Variants in RHOBTB1 observed in about 807,000 individuals in gnomAD.
RHOBTB1 encodes rho-related BTB domain-containing protein 1.
RHOBTB1 carries 40 observed loss-of-function variants against 71.6 expected under a neutral mutation model. The observed-to-expected ratio is 0.56, with a 90% CI of 0.43 to 0.73. The LOEUF is 0.73. RHOBTB1 is among the 30% of genes least tolerant of loss of function. The pLI is 0.00. For synonymous variants in RHOBTB1, 319 were observed against 334.9 expected (o/e 0.95, Z 0.52); for missense variants, 797 against 894.0 (o/e 0.89, Z 1.38).
intron 9 of RHOBTB1, among the ~76,000 whole-genome samples, chr10:60,873,357 A>G (rs2080891672): frequency 6.6e-6 from 1 of 152,188 alleles, no homozygotes; most frequent in Non-Finnish European, 1.5e-5. Flanking sequence ...GGCAAACGCA[A>G]CAGATTGGGG....
intron 2 of RHOBTB1, among the ~76,000 whole-genome samples, chr10:60,934,570 T>C (rs1288911266): frequency 6.6e-6 from 1 of 152,046 alleles, no homozygotes; most frequent in Non-Finnish European, 1.5e-5. Context: ...ATAAATAGAG[T>C]TTAAAGAATA....
At chr10:60,945,577 G>C (rs2085190238), upstream of RHOBTB1, among the ~76,000 whole-genome samples, 1 of 152,132 alleles carries the variant, frequency 6.6e-6, no homozygotes, top group South Asian at 2.1e-4. Flanking sequence ...AAGATTCCCA[G>C]GTGACTTCCA....
intron 1 of RHOBTB1, among the ~76,000 whole-genome samples, chr10:60,999,556 AG>A (rs2087184108): frequency 6.6e-6 from 1 of 152,258 alleles, no homozygotes. Flanking sequence ...TTAAAATGAT[AG>A]CTGGTGTTAA....
At chr10:60,962,313 GA>G (rs2085810514) in intron 2 of RHOBTB1, among the ~76,000 whole-genome samples, 1 of 152,070 alleles carries the variant, frequency 6.6e-6, no homozygotes, top group Non-Finnish European at 1.5e-5. Context: ...AACAGAAAAA[GA>G]GATACTTACC....
At chr10:60,991,773 G>C (rs1173190517) in intron 1 of RHOBTB1, among the ~76,000 whole-genome samples, 1 of 152,074 alleles carries the variant, frequency 6.6e-6, no homozygotes, top group Non-Finnish European at 1.5e-5. Flanking sequence ...TCCTTCTAGA[G>C]GACTTCCCCA....
chr10:60,938,277 T>A (rs2084706255), intron 2 of RHOBTB1, among the ~76,000 whole-genome samples: 1 of 152,234 alleles, frequency 6.6e-6, no homozygotes, highest in Admixed American at 6.5e-5. Context: ...TACTTGCTAG[T>A]TGTATTTCAG....
chr10:60,952,683 C>A (rs1178088546), intron 2 of RHOBTB1, among the ~76,000 whole-genome samples: 1 of 152,212 alleles, frequency 6.6e-6, no homozygotes, highest in Non-Finnish European at 1.5e-5. Flanking sequence ...GATTACAATG[C>A]ATGACATCAT....
At chr10:60,956,893 T>A (rs2134461487) in intron 2 of RHOBTB1, among the ~76,000 whole-genome samples, 1 of 152,298 alleles carries the variant, frequency 6.6e-6, no homozygotes, top group South Asian at 2.1e-4. Flanking sequence ...CTCAGAAGGG[T>A]CCAGAGTTTG....
At chr10:60,896,180 T>G (rs528910676) in intron 4 of RHOBTB1, among the ~76,000 whole-genome samples, 151 of 152,368 alleles carry the variant, frequency 9.9e-4, no homozygotes, top group African/African-American at 3.4e-3. Flanking sequence ...TTCATTCCCA[T>G]GTGGAGACTG....
chr10:60,987,207 T>C (rs1020148632), intron 1 of RHOBTB1, among the ~76,000 whole-genome samples: 4 of 152,192 alleles, frequency 2.6e-5, no homozygotes, highest in African/African-American at 9.6e-5. Context: ...GAAACCTCAA[T>C]TCCCATCTCA....
chr10:60,920,205 AG>A (rs1280362887), intron 2 of RHOBTB1, among the ~76,000 whole-genome samples: 2 of 152,216 alleles, frequency 1.3e-5, no homozygotes, highest in Non-Finnish European at 2.9e-5. Context: ...AATGAGTGCC[AG>A]GCCTATAGGT....
chr10:60,969,720 T>C (rs1401906560), intron 2 of RHOBTB1, among the ~76,000 whole-genome samples: 1 of 152,142 alleles, frequency 6.6e-6, no homozygotes, highest in Non-Finnish European at 1.5e-5. Flanking sequence ...TCTATGACCT[T>C]TGAAGTCACC....
rs996869901 is a variant in RHOBTB1, at chr10:60,931,683, T to C, written c.-11+10121A>G. 4.6e-5 allele frequency among the ~76,000 whole-genome samples: 7 copies of C among 152,214 alleles called. No homozygotes were observed. In the South Asian group the frequency reaches 1.5e-3, roughly 32 times the overall value. ...ATAATACATGATTTTTGATAACACA[T>C]AAATTGTTTTTTCAAAACTATATGT... On this transcript the variant is annotated intron_variant, in intron 2 of 10. Transcript: ENST00000337910.
Position 60,872,296 on chromosome 10 carries a change from GA to G in RHOBTB1, c.1816-7del. On this transcript the variant is annotated splice_region_variant and splice_polypyrimidine_tract_variant and intron_variant, in intron 9 of 10. Transcript: ENST00000337910. ...AACTGGTGGGCATTGTGAAACTGCA[GA>G]AAAGTGAGCAAAAGGAGGGTAAGAC... 2 of 1,608,544 alleles carry G rather than the reference GA, an allele frequency of 1.2e-6. No individual in the cohort carries two copies. The highest frequency in any genetic ancestry group is 1.1e-5 in the South Asian group (1 of 90,962).
chr10:60,910,123 A>G (rs1430914591), intron 4 of RHOBTB1, among the ~76,000 whole-genome samples: 2 of 152,176 alleles, frequency 1.3e-5, no homozygotes, highest in African/African-American at 4.8e-5. Context: ...TGAAAATGAA[A>G]TGTGTTCATT....
intron 1 of RHOBTB1, among the ~76,000 whole-genome samples, chr10:60,943,468 A>G (rs1014801259): frequency 6.6e-6 from 1 of 151,592 alleles, no homozygotes; most frequent in Non-Finnish European, 1.5e-5. Flanking sequence ...GCAACTCACA[A>G]CAGACTCCAT....
intron 2 of RHOBTB1, among the ~76,000 whole-genome samples, chr10:60,984,165 G>T (rs1276128545): frequency 2.0e-5 from 3 of 152,150 alleles, no homozygotes; most frequent in Non-Finnish European, 4.4e-5. Context: ...CCTTGAAAAG[G>T]GTGCTTGTAA....
At chr10:60,937,759 C>G (rs948840619) in intron 2 of RHOBTB1, among the ~76,000 whole-genome samples, 1 of 152,166 alleles carries the variant, frequency 6.6e-6, no homozygotes. Context: ...TATAACCATT[C>G]CTTAAAATAT....
At chr10:60,946,612 T>G (rs557243498), upstream of RHOBTB1, among the ~76,000 whole-genome samples, 3 of 152,334 alleles carry the variant, frequency 2.0e-5, no homozygotes, top group African/African-American at 7.2e-5. Context: ...AGTCTTATTT[T>G]ATCACTGACC....
Sources: allele counts gnomAD v4.1 joint callset (sites outside exome capture counted in the v4.1 genomes callset), GRCh38; gene constraint gnomAD v4.1.1; transcripts MANE v1.5; gene names NCBI Gene and HGNC (gene_info 2026-07-23, HGNC 2026-07-21).